Variants in DLEU7 observed in about 807,000 individuals in gnomAD.
DLEU7 encodes leukemia-associated protein 7.
A neutral mutation model predicts 16.0 loss-of-function variants in DLEU7; 17 were observed. That is an observed-to-expected ratio of 1.06 (90% CI 0.73 to 1.59). The LOEUF is 1.59. DLEU7 is among the 40% of genes most tolerant of loss of function. The pLI, the probability that DLEU7 is intolerant of heterozygous loss-of-function variation, is 0.00. For synonymous variants in DLEU7, 113 were observed against 139.8 expected (o/e 0.81, Z 1.35); for missense variants, 308 against 314.9 (o/e 0.98, Z 0.17).
At chr13:50,828,089 T>A (rs1474563033) in intron 1 of DLEU7, among the ~76,000 whole-genome samples, 1 of 152,168 alleles carries the variant, frequency 6.6e-6, no homozygotes, top group East Asian at 1.9e-4. Flanking sequence ...AATATGATAA[T>A]CATAACATAC....
intron 1 of DLEU7, among the ~76,000 whole-genome samples, chr13:50,816,031 C>T (rs1876725304): frequency 6.6e-6 from 1 of 152,058 alleles, no homozygotes; most frequent in African/African-American, 2.4e-5. Flanking sequence ...CAAATGTGTT[C>T]TGAGTTTGTC....
intron 1 of DLEU7, among the ~76,000 whole-genome samples, chr13:50,838,486 CA>C (rs1877543531): frequency 6.6e-6 from 1 of 152,224 alleles, no homozygotes. Context: ...TCATTTTCAG[CA>C]GTTTAAAAAA....
chr13:50,756,458 C>T (rs907315500), intron 1 of DLEU7, among the ~76,000 whole-genome samples: 1 of 152,156 alleles, frequency 6.6e-6, no homozygotes, highest in Non-Finnish European at 1.5e-5. Flanking sequence ...AAGATTATGG[C>T]TGCCTCTGCT....
chr13:50,770,502 AG>A (rs1174186349), intron 1 of DLEU7, among the ~76,000 whole-genome samples: 1 of 152,150 alleles, frequency 6.6e-6, no homozygotes, highest in Non-Finnish European at 1.5e-5. Context: ...ATTTTGTCAA[AG>A]GCCTTTTCTG....
intron 1 of DLEU7, among the ~76,000 whole-genome samples, chr13:50,795,475 C>T (rs896343535): frequency 2.0e-5 from 3 of 152,114 alleles, no homozygotes; most frequent in African/African-American, 7.2e-5. Context: ...GTTCTGTTCC[C>T]TGAGAGAGCA....
intron 1 of DLEU7, among the ~76,000 whole-genome samples, chr13:50,828,993 C>T (rs1014828604): frequency 1.3e-5 from 2 of 152,154 alleles, no homozygotes; most frequent in Non-Finnish European, 2.9e-5. Context: ...CAAGCCTGTC[C>T]AACCTGTGGC....
intron 1 of DLEU7, among the ~76,000 whole-genome samples, chr13:50,835,989 A>G (rs1877445274): frequency 6.6e-6 from 1 of 152,238 alleles, no homozygotes; most frequent in Admixed American, 6.5e-5. Flanking sequence ...CAAAAACCCA[A>G]TATGACTTAA....
chr13:50,796,404 A>G (rs527927095), intron 1 of DLEU7, among the ~76,000 whole-genome samples: 1 of 152,174 alleles, frequency 6.6e-6, no homozygotes, highest in Admixed American at 6.5e-5. Context: ...AGGAGCATCT[A>G]TAGTGCAAAT....
intron 1 of DLEU7, among the ~76,000 whole-genome samples, chr13:50,727,727 A>G (rs1260256708): frequency 6.6e-6 from 1 of 152,130 alleles, no homozygotes; most frequent in Non-Finnish European, 1.5e-5. Context: ...AGAGATTCCA[A>G]GTTATCCTCC....
intron 1 of DLEU7, among the ~76,000 whole-genome samples, chr13:50,841,737 CA>C (rs200036592): frequency 0.17 from 18,248 of 104,770 alleles, 1,755 homozygotes; most frequent in African/African-American, 0.36. Flanking sequence ...GACCTTGTCT[CA>C]AAAAAAAAAA....
At chr13:50,801,736 A>G (rs77436440) in intron 1 of DLEU7, among the ~76,000 whole-genome samples, 83 of 152,230 alleles carry the variant, frequency 5.5e-4, no homozygotes, top group African/African-American at 2.0e-3. Flanking sequence ...AAACCACAAC[A>G]TCATTTTGTT....
intron 1 of DLEU7, among the ~76,000 whole-genome samples, chr13:50,842,853 T>A (rs1181412240): frequency 6.6e-6 from 1 of 152,112 alleles, no homozygotes; most frequent in African/African-American, 2.4e-5. Flanking sequence ...CTGTCCTCTA[T>A]CCCTACAAGC....
At chr13:50,839,948 G>T (rs1240388314) in intron 1 of DLEU7, 1 of 152,180 alleles carries the variant, frequency 6.6e-6, no homozygotes, top group Non-Finnish European at 1.5e-5. Flanking sequence ...CTTACCCAAG[G>T]GCCAATGACA....
downstream of DLEU7, among the ~76,000 whole-genome samples, chr13:50,821,846 G>C (rs1162587520): frequency 6.6e-6 from 1 of 152,016 alleles, no homozygotes; most frequent in Non-Finnish European, 1.5e-5. Flanking sequence ...AATTTCCCTG[G>C]GGGAAGAAAG....
intron 1 of DLEU7, among the ~76,000 whole-genome samples, chr13:50,714,968 T>C (rs953153786): frequency 8.5e-5 from 13 of 152,354 alleles, no homozygotes; most frequent in African/African-American, 2.9e-4. Context: ...TTGGCCAGGC[T>C]GTACTCCCTC....
intron 1 of DLEU7, among the ~76,000 whole-genome samples, chr13:50,812,249 G>T (rs921085930): frequency 2.0e-5 from 3 of 152,144 alleles, no homozygotes; most frequent in African/African-American, 7.2e-5. Flanking sequence ...TTGATGGTGT[G>T]TAGAAGGGGC....
chr13:50,760,094 T>C (rs1874883507), intron 1 of DLEU7, among the ~76,000 whole-genome samples: 1 of 152,160 alleles, frequency 6.6e-6, no homozygotes, highest in Admixed American at 6.5e-5. Flanking sequence ...TTTGGTCTGG[T>C]TTTTAGACAG....
intron 1 of DLEU7, among the ~76,000 whole-genome samples, chr13:50,745,387 T>C (rs995461330): frequency 1.7e-4 from 25 of 151,484 alleles, no homozygotes; most frequent in African/African-American, 6.0e-4. Flanking sequence ...AGTAGAATGA[T>C]GGTTATCAGG....
intron 1 of DLEU7, among the ~76,000 whole-genome samples, chr13:50,739,107 G>A (rs866629080): frequency 1.3e-5 from 2 of 152,022 alleles, no homozygotes; most frequent in Admixed American, 1.3e-4. Context: ...TACCAGGAAT[G>A]CTCTTCCTTT....
Sources: allele counts gnomAD v4.1 joint callset (sites outside exome capture counted in the v4.1 genomes callset), GRCh38; gene constraint gnomAD v4.1.1; transcripts MANE v1.5; gene names NCBI Gene and HGNC (gene_info 2026-07-23, HGNC 2026-07-21).